Variants in GAB1 observed in about 807,000 individuals in gnomAD.
GAB1 encodes GRB2 associated binding protein 1, also known as GRB2-associated-binding protein 1.
A neutral mutation model predicts 66.5 loss-of-function variants in GAB1; 19 were observed. That is an observed-to-expected ratio of 0.29 (90% CI 0.20 to 0.42). GAB1 has a LOEUF of 0.42. Ranked by LOEUF, GAB1 falls within the 10% of genes least tolerant of loss-of-function variation. GAB1 has a pLI of 1.00. For missense variants in GAB1, 732 were observed against 858.5 expected (o/e 0.85, Z 1.84); for synonymous variants, 294 against 301.4 (o/e 0.98, Z 0.25).
chr4:143,429,821 A>T (rs1733555214), intron 2 of GAB1, among the ~76,000 whole-genome samples: 1 of 152,238 alleles, frequency 6.6e-6, no homozygotes, highest in Non-Finnish European at 1.5e-5. Context: ...ATATTGCTAT[A>T]AGTTAAGAAT....
intron 3 of GAB1, among the ~76,000 whole-genome samples, chr4:143,434,665 A>T (rs1204683925): frequency 6.6e-6 from 1 of 152,012 alleles, no homozygotes; most frequent in East Asian, 1.9e-4. Context: ...CTCCCTTTAC[A>T]AATTTTTAAG....
intron 1 of GAB1, among the ~76,000 whole-genome samples, chr4:143,369,130 G>A (rs988391289): frequency 7.2e-5 from 11 of 152,084 alleles, no homozygotes; most frequent in African/African-American, 2.2e-4. Flanking sequence ...TAGTAGAGAC[G>A]GGGTTTTGCC....
Position 143,438,594 on chromosome 4 carries a change from C to T in GAB1, c.1189C>T (p.Arg397Ter), listed in dbSNP as rs1458245713. 1.2e-6 allele frequency: 2 copies of T among 1,611,940 alleles called. No homozygotes were observed. Among genetic ancestry groups the T allele is most frequent in the Non-Finnish European group, 8.5e-7 (1 of 1,178,808 alleles). ...TISTVDLNKL[R>*]KDASSQDCYD... ...TTCCACTGTGGATTTAAACAAATTG[C>T]GAAAAGGTCAGCTCTAGTTGACTTC... The change falls in exon 4 of 10, where the codon CGA (arginine) becomes TGA (stop). Residue 397 changes from arginine to a stop codon, truncating the protein, a stop_gained. Transcript: ENST00000262994. LOFTEE classifies it high-confidence loss of function.
chr4:143,455,800 T>G (rs910097231), intron 6 of GAB1, among the ~76,000 whole-genome samples: 2 of 152,148 alleles, frequency 1.3e-5, no homozygotes, highest in Admixed American at 6.5e-5. Flanking sequence ...CTGCAAGATC[T>G]CCAGCCGCAA....
intron 1 of GAB1, among the ~76,000 whole-genome samples, chr4:143,393,919 A>G (rs1385135188): frequency 6.6e-6 from 1 of 152,224 alleles, no homozygotes; most frequent in Non-Finnish European, 1.5e-5. Context: ...ATAAGAAGAA[A>G]TAAAGTGGAA....
rs138705294 is a variant in GAB1 at position 143,400,696 on chromosome 4, G to A, written c.73-14781G>A. Among the ~76,000 whole-genome samples, 584 of 152,144 alleles carry A rather than the reference G, an allele frequency of 3.8e-3. 1 individual carries two copies. Among genetic ancestry groups the A allele is most frequent in the African/African-American group, 0.013 (535 of 41,520 alleles). On this transcript the variant is annotated intron_variant, in intron 1 of 9. Coordinates refer to ENST00000262994, the MANE Select transcript of GAB1 (RefSeq NM_002039.4). The stretch of plus-strand genomic sequence containing the variant: ...AAAATGTTATTGCTTGGCTGGGCGC[G>A]ATGGCTCACGTCTGTAATCCCAGCA...
At chr4:143,374,961 G>T (rs1213005284) in intron 1 of GAB1, among the ~76,000 whole-genome samples, 1 of 152,176 alleles carries the variant, frequency 6.6e-6, no homozygotes, top group African/African-American at 2.4e-5. Flanking sequence ...GCTCCTCCAG[G>T]AATGCTCTTG....
At chr4:143,434,085 C>T in intron 3 of GAB1, 2 of 1,289,382 alleles carry the variant, frequency 1.6e-6, no homozygotes, top group South Asian at 1.3e-5. Context: ...GATTGTAAAC[C>T]AGCCAAGGGT....
chr4:143,398,988 C>G (rs997306774), intron 1 of GAB1, among the ~76,000 whole-genome samples: 1 of 152,172 alleles, frequency 6.6e-6, no homozygotes, highest in Non-Finnish European at 1.5e-5. Context: ...AGATCCCCAT[C>G]TAGATGAGTG....
chr4:143,388,555 C>G (rs191765359), intron 1 of GAB1, among the ~76,000 whole-genome samples: 1 of 152,264 alleles, frequency 6.6e-6, no homozygotes, highest in East Asian at 1.9e-4. Flanking sequence ...GCTGGCATTA[C>G]AGACGTGCGT....
chr4:143,439,035 G>A (rs1412123490), intron 4 of GAB1, among the ~76,000 whole-genome samples: 1 of 152,102 alleles, frequency 6.6e-6, no homozygotes, highest in African/African-American at 2.4e-5. Flanking sequence ...CAGTTTTTAT[G>A]TTGTGTCTAA....
At chr4:143,448,238 G>C in intron 6 of GAB1, among the ~76,000 whole-genome samples, 1 of 151,900 alleles carries the variant, frequency 6.6e-6, no homozygotes, top group Non-Finnish European at 1.5e-5. Flanking sequence ...CAAGGATATT[G>C]ATCTAAAATT....
intron 1 of GAB1, among the ~76,000 whole-genome samples, chr4:143,398,258 G>T (rs548126749): frequency 1.3e-4 from 20 of 152,302 alleles, no homozygotes; most frequent in African/African-American, 4.6e-4. Context: ...TCTATGAAGG[G>T]TGTTAAAATG....
intron 1 of GAB1, among the ~76,000 whole-genome samples, chr4:143,346,185 A>T (rs1391028516): frequency 1.3e-5 from 2 of 152,230 alleles, no homozygotes; most frequent in African/African-American, 2.4e-5. Context: ...TTACACACAC[A>T]TTCTTTCACG....
intron 1 of GAB1, among the ~76,000 whole-genome samples, chr4:143,387,702 C>G (rs1730982236): frequency 6.6e-6 from 1 of 152,186 alleles, no homozygotes; most frequent in Non-Finnish European, 1.5e-5. Flanking sequence ...CCTGGACATT[C>G]ACCCTCCTCC....
chr4:143,397,450 AT>A (rs1483241530), intron 1 of GAB1, among the ~76,000 whole-genome samples: 1 of 152,180 alleles, frequency 6.6e-6, no homozygotes, highest in African/African-American at 2.4e-5. Flanking sequence ...TACAAATCAG[AT>A]GTACAGATGA....
chr4:143,351,018 A>G (rs1452331821), intron 1 of GAB1, among the ~76,000 whole-genome samples: 2 of 152,194 alleles, frequency 1.3e-5, no homozygotes, highest in Non-Finnish European at 2.9e-5. Context: ...GGGAGCATAC[A>G]GACCGGCAGG....
At chr4:143,373,750 G>C (rs1730257392) in intron 1 of GAB1, among the ~76,000 whole-genome samples, 1 of 151,152 alleles carries the variant, frequency 6.6e-6, no homozygotes, top group Admixed American at 6.6e-5. Flanking sequence ...AATTGCTTGT[G>C]CCAGGAAGGC....
chr4:143,416,215 C>T (rs1732675937), intron 2 of GAB1, among the ~76,000 whole-genome samples: 1 of 152,060 alleles, frequency 6.6e-6, no homozygotes, highest in African/African-American at 2.4e-5. Flanking sequence ...ACCATCCTGG[C>T]TAACACAGTG....
Sources: gnomAD v4.1 joint callset for allele counts (sites outside exome capture counted in the v4.1 genomes callset) on GRCh38, gnomAD v4.1.1 for gene constraint, MANE v1.5 for transcripts, NCBI Gene and HGNC (gene_info 2026-07-23, HGNC 2026-07-21) for gene names.